The following LAMB4 variants were observed in gnomAD, a reference collection of about 807,000 sequenced individuals.
The protein encoded by LAMB4 is laminin subunit beta 4.
LAMB4 carries 196 observed loss-of-function variants against 199.2 expected under a neutral mutation model. The ratio of observed to expected loss-of-function variants is 0.98; its 90% confidence interval spans 0.88 to 1.11. The LOEUF (loss-of-function observed/expected upper bound fraction) is 1.11. Ranked by LOEUF, LAMB4 falls within the 50% of genes least tolerant of loss-of-function variation. LAMB4 has a pLI of 0.00. For missense variants in LAMB4, 2,080 were observed against 2,171.2 expected (o/e 0.96, Z 0.83); for synonymous variants, 744 against 770.6 (o/e 0.97, Z 0.57).
intron 23 of LAMB4, 45 bp from the exon 24 acceptor site, chr7:108,057,973 T>TA (rs748148943): frequency 3.8e-4 from 485 of 1,266,318 alleles, no homozygotes; most frequent in Non-Finnish European, 4.6e-4. Context: ...TTTTATGGTC[T>TA]AAAAAAAAAT....
chr7:108,055,889 G>T lies in LAMB4; in HGVS notation c.3498C>A (p.Ser1166Arg). Residue 1166 changes from serine (S) to arginine (R), a missense_variant, in exon 25 of 34, where the codon AGC becomes AGA. Ser to Arg is a moderately radical substitution (Grantham distance 110, BLOSUM62 -1). Transcript: ENST00000388781. The part of the protein sequence containing the change: ...QRCDRCARGH[S>R]QEFPTCLQCH... ...ATTGAAGACAAGTAGGGAATTCCTG[G>T]CTGTGTCCCCGGGCACAGCGATCAC... is the stretch of plus-strand genomic sequence containing the variant. The T allele has an allele frequency of 6.2e-7, 1 of 1,614,150 alleles. No homozygotes were observed. Among genetic ancestry groups the T allele is most frequent in the Non-Finnish European group, 8.5e-7 (1 of 1,180,022 alleles).
intron 14 of LAMB4, among the ~76,000 whole-genome samples, chr7:108,085,806 G>C (rs560052635): frequency 6.6e-6 from 1 of 151,952 alleles, no homozygotes; most frequent in African/African-American, 2.4e-5. Context: ...ATAGAGACGG[G>C]GTTTCACCTT....
chr7:108,058,653 C>CCTTAT (rs1563054392), intron 23 of LAMB4, among the ~76,000 whole-genome samples: 1 of 151,964 alleles, frequency 6.6e-6, no homozygotes, highest in African/African-American at 2.4e-5. Context: ...ACTTTTCTTT[C>CCTTAT]CTTTTCTTTT....
chr7:108,079,462 G>T, intron 15 of LAMB4, 139 bp downstream of exon 15: 1 of 675,700 alleles, frequency 1.5e-6, no homozygotes, highest in Non-Finnish European at 2.4e-6. Flanking sequence ...GGAAACCCTT[G>T]GTTTATAATG....
the LAMB4 span, among the ~76,000 whole-genome samples, chr7:108,016,919 AC>A: frequency 7.2e-5 from 11 of 152,208 alleles, no homozygotes; most frequent in Non-Finnish European, 1.5e-5. Flanking sequence ...ATCTGTTGCC[AC>A]CTAGTGAATG....
intron 1 of LAMB4, among the ~76,000 whole-genome samples, chr7:108,126,377 G>A (rs2038778308): frequency 6.6e-6 from 1 of 151,952 alleles, no homozygotes; most frequent in Non-Finnish European, 1.5e-5. Context: ...AAGTCTTCAT[G>A]TCTCCCCGAG....
chr7:108,114,938 T>A (rs1314518927), intron 3 of LAMB4, among the ~76,000 whole-genome samples: 2 of 152,232 alleles, frequency 1.3e-5, no homozygotes, highest in Non-Finnish European at 2.9e-5. Flanking sequence ...ATGTTCACAT[T>A]GGGAATTTAT....
chr7:108,121,467 C>T (rs1011323137), intron 2 of LAMB4, among the ~76,000 whole-genome samples: 5 of 152,004 alleles, frequency 3.3e-5, no homozygotes, highest in African/African-American at 4.8e-5. Context: ...ACCAAGAATG[C>T]GGCCTGGCAC....
chr7:108,111,982 T>C (rs2038243489), intron 3 of LAMB4, 36 bp from the exon 4 acceptor site: 1 of 1,553,572 alleles, frequency 6.4e-7, no homozygotes, highest in African/African-American at 1.4e-5. Context: ...AAAATAAAAA[T>C]TGGAATTACA....
the LAMB4 span, among the ~76,000 whole-genome samples, chr7:108,012,157 TA>T: frequency 6.6e-6 from 1 of 151,428 alleles, no homozygotes; most frequent in Non-Finnish European, 1.5e-5. Flanking sequence ...TTTCTATAAA[TA>T]AAATATAAAC....
intron 33 of LAMB4, among the ~76,000 whole-genome samples, chr7:108,027,854 C>T (rs2034890045): frequency 6.6e-6 from 1 of 152,184 alleles, no homozygotes. Flanking sequence ...GTGATCTTGG[C>T]TCACCGCAAC....
At chr7:108,070,053 A>T (rs2036479787) in intron 17 of LAMB4, among the ~76,000 whole-genome samples, 168 bp from the exon 18 acceptor site, 1 of 152,214 alleles carries the variant, frequency 6.6e-6, no homozygotes, top group East Asian at 1.9e-4. Context: ...TTTATTTAAG[A>T]AATCTTTAAA....
chr7:108,048,158 CTTTTTTTTTT>C, intron 27 of LAMB4, 47 bp from the exon 28 acceptor site: 5 of 462,518 alleles, frequency 1.1e-5, no homozygotes, highest in Non-Finnish European at 1.8e-5. Context: ...GTTGTCAGAG[CTTTTTTTTTT>C]TTTTTTTTTT....
chr7:108,127,268 C>T (rs1488663637), intron 1 of LAMB4, among the ~76,000 whole-genome samples: 7 of 150,386 alleles, frequency 4.7e-5, no homozygotes, highest in Non-Finnish European at 7.4e-5. Flanking sequence ...GTTAAGGCCC[C>T]GACATCAGTA....
At chr7:108,030,479 A>G (rs970531631) in intron 32 of LAMB4, among the ~76,000 whole-genome samples, 1 of 152,236 alleles carries the variant, frequency 6.6e-6, no homozygotes, top group Admixed American at 6.5e-5. Context: ...GGGCAAAAAC[A>G]TACAATACAG....
intron 29 of LAMB4, among the ~76,000 whole-genome samples, chr7:108,037,799 G>A (rs1584603790): frequency 6.6e-6 from 1 of 152,300 alleles, no homozygotes; most frequent in Admixed American, 6.5e-5. Flanking sequence ...TGCTCACTGA[G>A]TGCTGAATAC....
intron 1 of LAMB4, among the ~76,000 whole-genome samples, chr7:108,124,894 T>G (rs1200590522): frequency 6.6e-6 from 1 of 152,218 alleles, no homozygotes; most frequent in East Asian, 1.9e-4. Context: ...CGCTGTTTCC[T>G]TTGCCTTGAA....
In LAMB4 at chr7:108,049,502, GATA is replaced by G; in HGVS notation, c.3943_3945del (p.Tyr1315del). On this transcript the variant is annotated inframe_deletion, in exon 27 of 34. Coordinates refer to ENST00000388781, the MANE Select transcript of LAMB4 (RefSeq NM_007356.3). ...TTCTTTTCAGCAGATGATGATATGTGATAATATTTCTTGATGTTTTCTGAGGAG... is the reference window on the plus strand; with the variant it reads ...TTCTTTTCAGCAGATGATGATATGTGATATTTCTTGATGTTTTCTGAGGAG... The G allele has an allele frequency of 6.2e-7, 1 of 1,605,394 alleles. No individual in the cohort carries two copies. The highest frequency in any genetic ancestry group is 8.5e-7 in the Non-Finnish European group (1 of 1,173,934).
intron 25 of LAMB4, among the ~76,000 whole-genome samples, chr7:108,054,738 G>A (rs984817603): frequency 1.3e-5 from 2 of 152,158 alleles, no homozygotes; most frequent in East Asian, 1.9e-4. Context: ...ATAAATGGGT[G>A]TGGCTGTGCT....
Sources: gnomAD v4.1 joint callset for allele counts (sites outside exome capture counted in the v4.1 genomes callset) on GRCh38, gnomAD v4.1.1 for gene constraint, MANE v1.5 for transcripts, NCBI Gene and HGNC (gene_info 2026-07-23, HGNC 2026-07-21) for gene names.